PEBP4: variants seen among roughly 807,000 people sequenced by gnomAD.
PEBP4 encodes the protein phosphatidylethanolamine-binding protein 4.
In PEBP4, 22 loss-of-function variants were observed where a neutral mutation model predicts 23.9. The ratio of observed to expected loss-of-function variants is 0.92; its 90% CI spans 0.66 to 1.31. The LOEUF is 1.31. Among genes scored for constraint, PEBP4 ranks in the 40% most tolerant of loss-of-function variants. PEBP4 has a pLI of 0.00. For missense variants in PEBP4, 324 were observed against 281.7 expected (o/e 1.15, Z -1.07); for synonymous variants, 112 against 99.3 (o/e 1.13, Z -0.76).
intron 2 of PEBP4, among the ~76,000 whole-genome samples, chr8:22,923,960 T>C (rs556405933): frequency 4.6e-5 from 7 of 152,318 alleles, no homozygotes; most frequent in Non-Finnish European, 1.0e-4. Flanking sequence ...CTAAGGTATT[T>C]TGTTATGGTA....
At chr8:22,917,952 TC>T (rs1221887870) in intron 3 of PEBP4, among the ~76,000 whole-genome samples, 8 of 152,302 alleles carry the variant, frequency 5.3e-5, no homozygotes, top group Admixed American at 5.2e-4. Context: ...AGAGACAGAT[TC>T]CTGGTGACAC....
intron 3 of PEBP4, among the ~76,000 whole-genome samples, chr8:22,876,476 G>T (rs1808123739): frequency 6.6e-6 from 1 of 152,134 alleles, no homozygotes; most frequent in Non-Finnish European, 1.5e-5. Flanking sequence ...TTTCTTTTTG[G>T]CCTCATTCCA....
chr8:22,858,436 T>C (rs896188660), intron 3 of PEBP4, among the ~76,000 whole-genome samples: 2 of 152,208 alleles, frequency 1.3e-5, no homozygotes, highest in African/African-American at 4.8e-5. Context: ...ATACAGAATA[T>C]ATCCTCACTG....
intron 4 of PEBP4, among the ~76,000 whole-genome samples, chr8:22,782,967 T>C (rs536090072): frequency 6.6e-6 from 1 of 152,332 alleles, no homozygotes; most frequent in Admixed American, 6.5e-5. Flanking sequence ...AGACCCATAA[T>C]AGGGAACAGC....
chr8:22,759,518 G>A (rs771167485), intron 4 of PEBP4, among the ~76,000 whole-genome samples: 1 of 152,118 alleles, frequency 6.6e-6, no homozygotes, highest in Non-Finnish European at 1.5e-5. Context: ...GAGGGGTAGA[G>A]GTGCCCGCTC....
chr8:22,879,025 G>T (rs1808187451), intron 3 of PEBP4, among the ~76,000 whole-genome samples: 1 of 152,172 alleles, frequency 6.6e-6, no homozygotes, highest in Non-Finnish European at 1.5e-5. Flanking sequence ...TTTAGAGACT[G>T]AAAGAGAGGA....
chr8:22,819,899 C>A (rs1336473170), intron 3 of PEBP4, among the ~76,000 whole-genome samples: 1 of 152,194 alleles, frequency 6.6e-6, no homozygotes, highest in African/African-American at 2.4e-5. Context: ...AGCCACCGCG[C>A]CCAGCCCAAG....
chr8:22,911,696 T>C (rs1054305043), intron 3 of PEBP4, among the ~76,000 whole-genome samples: 1 of 152,162 alleles, frequency 6.6e-6, no homozygotes, highest in African/African-American at 2.4e-5. Flanking sequence ...CAAGAAGCCT[T>C]TGCTGACACT....
At chr8:22,795,143 G>GTGTA (rs1268855798) in intron 4 of PEBP4, among the ~76,000 whole-genome samples, 1 of 49,926 alleles carries the variant, frequency 2.0e-5, no homozygotes, top group African/African-American at 8.9e-5. Context: ...ATGTGTGTGT[G>GTGTA]TATATATATA....
intron 3 of PEBP4, among the ~76,000 whole-genome samples, chr8:22,822,648 G>A (rs1331610979): frequency 6.6e-6 from 1 of 151,666 alleles, no homozygotes; most frequent in African/African-American, 2.4e-5. Flanking sequence ...ACACAAAACT[G>A]GTACTTTCTA....
intron 4 of PEBP4, among the ~76,000 whole-genome samples, chr8:22,740,191 G>A (rs1804959912): frequency 6.6e-6 from 1 of 152,212 alleles, no homozygotes; most frequent in African/African-American, 2.4e-5. Context: ...GAGACAGAGG[G>A]ACTCTGGAAG....
intron 6 of PEBP4, 135 bp from the exon 7 acceptor site, chr8:22,713,671 T>C: frequency 8.0e-7 from 1 of 1,253,630 alleles, no homozygotes; most frequent in African/African-American, 1.5e-5. Flanking sequence ...GCGTAGTGGC[T>C]GGGGGAGCTT....
Position 22,918,607 on chromosome 8 carries a change from G to A in PEBP4, c.258+1577C>T, listed in dbSNP as rs1027498206. ...GATGTCTGCAGCATCATCAGCACGC[G>A]GAAGGGAGCCCTTTGGGGAGAATTC... On this transcript the variant is annotated intron_variant, in intron 3 of 6. Coordinates refer to ENST00000256404, the MANE Select transcript of PEBP4 (RefSeq NM_144962.3). Among the ~76,000 whole-genome samples the A allele has an allele frequency of 7.2e-5, 11 of 152,206 alleles. 1 individual carries two copies. Among genetic ancestry groups the A allele is most frequent in the Admixed American group, 1.3e-4 (2 of 15,280 alleles).
At chr8:22,713,664 T>G in intron 6 of PEBP4, 128 bp from the exon 7 acceptor site, 1 of 1,340,614 alleles carries the variant, frequency 7.5e-7, no homozygotes, top group South Asian at 1.3e-5. Context: ...CCATGGGGCG[T>G]AGTGGCTGGG....
intron 4 of PEBP4, among the ~76,000 whole-genome samples, chr8:22,761,397 G>C (rs1563207981): frequency 6.6e-6 from 1 of 152,184 alleles, no homozygotes; most frequent in Non-Finnish European, 1.5e-5. Context: ...GGAGGCTGGG[G>C]GGAGGCGGGG....
At chr8:22,749,272 T>C (rs1805194406) in intron 4 of PEBP4, among the ~76,000 whole-genome samples, 1 of 152,204 alleles carries the variant, frequency 6.6e-6, no homozygotes, top group Admixed American at 6.5e-5. Context: ...ATACAATGAT[T>C]GGGAGGCTGA....
chr8:22,886,073 T>G (rs1808367220), intron 3 of PEBP4: 1 of 152,236 alleles, frequency 6.6e-6, no homozygotes, highest in South Asian at 2.1e-4. Flanking sequence ...AATCATTTCT[T>G]CAACAATGAA....
In PEBP4 at chr8:22,887,910, G is replaced by A. The variant is rs141007579; in HGVS notation, c.258+32274C>T. The A allele has an allele frequency of 2.6e-5, 4 of 152,342 alleles. No individual in the cohort carries two copies. The East Asian group carries it at 7.7e-4, about 29-fold the overall frequency. 9.4% of individuals were successfully genotyped at this position (152,342 alleles called of 1,614,324 possible). On this transcript the variant is annotated intron_variant, in intron 3 of 6. Transcript: ENST00000256404. ...ACAGGAGCTGCTTCAGTAGGTAACT[G>A]AGTGGGAGGGAGGTTAGCTTTTCAC...
intron 3 of PEBP4, among the ~76,000 whole-genome samples, chr8:22,901,660 T>C (rs1465191782): frequency 6.6e-6 from 1 of 152,174 alleles, no homozygotes; most frequent in African/African-American, 2.4e-5. Context: ...ACTCAAAGGA[T>C]CCCGGGCTGG....
Sources: gnomAD v4.1 joint callset for allele counts (sites outside exome capture counted in the v4.1 genomes callset) on GRCh38, gnomAD v4.1.1 for gene constraint, MANE v1.5 for transcripts, NCBI Gene and HGNC (gene_info 2026-07-23, HGNC 2026-07-21) for gene names.